CNTN1: variants seen among roughly 807,000 people sequenced by gnomAD.
CNTN1 encodes the protein contactin 1, also known as contactin-1.
CNTN1 carries 38 observed loss-of-function variants against 126.4 expected under a neutral mutation model. The observed-to-expected ratio is 0.30, with a 90% CI of 0.23 to 0.39. The LOEUF (loss-of-function observed/expected upper bound fraction) is 0.39. Ranked by LOEUF, CNTN1 falls within the 10% of genes least tolerant of loss-of-function variation. The pLI is 1.00. For synonymous variants in CNTN1, 413 were observed against 422.6 expected (o/e 0.98, Z 0.28); for missense variants, 1,009 against 1,248.4 (o/e 0.81, Z 2.89).
chr12:41,016,662 A>C lies in CNTN1; in HGVS notation c.2185-20A>C. ...TACCTGTATTACTAAAACCTACTCA[A>C]TCTTTTAATTTCTATTTAGCCTTTG... On this transcript the variant is annotated intron_variant, in intron 18 of 23. Coordinates refer to ENST00000551295, the MANE Select transcript of CNTN1 (RefSeq NM_001843.4). 2 of 1,522,824 alleles carry C rather than the reference A, an allele frequency of 1.3e-6. No homozygotes were observed. The highest frequency in any genetic ancestry group is 1.8e-6 in the Non-Finnish European group (2 of 1,096,960). 94.3% of individuals were successfully genotyped at this position (1,522,824 alleles called of 1,614,324 possible).
intron 15 of CNTN1, among the ~76,000 whole-genome samples, chr12:40,978,510 G>T (rs1464916574): frequency 6.6e-6 from 1 of 151,990 alleles, no homozygotes; most frequent in African/African-American, 2.4e-5. Context: ...TTACAGAACT[G>T]CCTGAACATT....
intron 17 of CNTN1, among the ~76,000 whole-genome samples, chr12:41,006,974 G>GGA (rs1948507935): frequency 6.6e-6 from 1 of 150,634 alleles, no homozygotes; most frequent in South Asian, 2.1e-4. Flanking sequence ...GGAGTTTGAA[G>GGA]GAGAGAGAAA....
Position 40,911,834 on chromosome 12 carries a change from C to T in CNTN1, c.94+1729C>T, listed in dbSNP as rs118092301. Among the ~76,000 whole-genome samples, 155 of 152,288 alleles carry T rather than the reference C, an allele frequency of 1.0e-3. 1 individual carries two copies. In the East Asian group the frequency reaches 0.017, roughly 17 times the overall value. ...TGGGTCACACATTCACCAACAAGCCCATCGCTAGCAAGAGTAATGGCATCA... is the reference window on the plus strand; with the variant it reads ...TGGGTCACACATTCACCAACAAGCCTATCGCTAGCAAGAGTAATGGCATCA... On this transcript the variant is annotated intron_variant, in intron 3 of 23. Transcript: ENST00000551295.
At position 40,745,670 on chromosome 12, in the gene CNTN1, C is replaced by T. The variant is rs1938151227; in HGVS notation, c.-77+53078C>T. 2.6e-5 allele frequency among the ~76,000 whole-genome samples: 4 copies of T among 152,108 alleles called. No homozygotes were observed. The South Asian group carries it at 8.3e-4, about 32-fold the overall frequency. On this transcript the variant is annotated intron_variant, in intron 1 of 23. Transcript: ENST00000551295. ...TGCCAGCCTCTTAGTCAATTCTCTC[C>T]TGGATCAGGGAAAAGGCCTGGAAAA... is the stretch of plus-strand genomic sequence containing the variant.
chr12:40,830,427 A>G (rs55721553), intron 1 of CNTN1, among the ~76,000 whole-genome samples: 8,761 of 151,588 alleles, frequency 0.058, 519 homozygotes, highest in Admixed American at 0.16. Flanking sequence ...TTACAAAAAT[A>G]TATATTAAAA....
chr12:40,764,316 T>G (rs980499047), intron 1 of CNTN1, among the ~76,000 whole-genome samples: 1 of 152,184 alleles, frequency 6.6e-6, no homozygotes, highest in Admixed American at 6.5e-5. Context: ...GGAAAGAGAT[T>G]AGCCTCAACT....
intron 1 of CNTN1, among the ~76,000 whole-genome samples, chr12:40,832,549 C>T (rs897980754): frequency 6.6e-6 from 1 of 152,138 alleles, no homozygotes; most frequent in Admixed American, 6.5e-5. Flanking sequence ...GTTAAGTACA[C>T]TTCGTGATGT....
intron 1 of CNTN1, among the ~76,000 whole-genome samples, chr12:40,881,153 ATTG>A (rs1747669740): frequency 1.3e-5 from 2 of 151,942 alleles, no homozygotes; most frequent in South Asian, 4.1e-4. Flanking sequence ...CCAGAGAATA[ATTG>A]TTGTACTGGA....
chr12:40,877,870 T>G (rs542655028), intron 1 of CNTN1, among the ~76,000 whole-genome samples: 2 of 152,244 alleles, frequency 1.3e-5, no homozygotes, highest in East Asian at 3.9e-4. Flanking sequence ...CAATTATTTT[T>G]CCACTTCTGC....
At chr12:40,844,761 CATAA>C (rs1347647021) in intron 1 of CNTN1, among the ~76,000 whole-genome samples, 1 of 152,136 alleles carries the variant, frequency 6.6e-6, no homozygotes, top group Non-Finnish European at 1.5e-5. Context: ...AGTTTAAAAG[CATAA>C]ATAGTTAAAA....
intron 1 of CNTN1, among the ~76,000 whole-genome samples, chr12:40,835,666 A>G (rs1245694674): frequency 1.3e-5 from 2 of 152,150 alleles, no homozygotes; most frequent in African/African-American, 4.8e-5. Flanking sequence ...GGGATCATTT[A>G]TCTCAAGGGT....
At chr12:41,035,485 A>G (rs1306326645) in intron 23 of CNTN1, among the ~76,000 whole-genome samples, 1 of 152,202 alleles carries the variant, frequency 6.6e-6, no homozygotes, top group Non-Finnish European at 1.5e-5. Flanking sequence ...GCTATTGGTT[A>G]CAATAATTGC....
At chr12:40,909,966 C>T (rs1004944731) in intron 2 of CNTN1, 107 bp from the exon 3 acceptor site, 5 of 806,028 alleles carry the variant, frequency 6.2e-6, no homozygotes, top group Non-Finnish European at 1.1e-5. Flanking sequence ...AGTAAAGGGC[C>T]ACTACTCTCA....
intron 1 of CNTN1, among the ~76,000 whole-genome samples, chr12:40,902,112 C>T (rs1207341375): frequency 6.6e-6 from 1 of 152,170 alleles, no homozygotes; most frequent in African/African-American, 2.4e-5. Flanking sequence ...AAATTCAAAA[C>T]TAGTTTTATT....
At chr12:41,035,078 T>A (rs765098156) in intron 23 of CNTN1, among the ~76,000 whole-genome samples, 55 of 152,218 alleles carry the variant, frequency 3.6e-4, no homozygotes, top group Non-Finnish European at 7.1e-4. Flanking sequence ...CACCTCTGTA[T>A]CTAAACTAAC....
chr12:40,821,119 C>T (rs990818888), intron 1 of CNTN1, among the ~76,000 whole-genome samples: 2 of 152,142 alleles, frequency 1.3e-5, no homozygotes. Flanking sequence ...TAATTTGAGA[C>T]ATAATGAGAC....
At chr12:40,813,177 G>C (rs1260676522) in intron 1 of CNTN1, among the ~76,000 whole-genome samples, 4 of 108,792 alleles carry the variant, frequency 3.7e-5, no homozygotes, top group African/African-American at 1.4e-4. Context: ...TTCATTTTTT[G>C]CTGTCTCCAT....
intron 15 of CNTN1, among the ~76,000 whole-genome samples, chr12:40,961,434 TTAA>T (rs1318281461): frequency 6.6e-6 from 1 of 152,040 alleles, no homozygotes; most frequent in Non-Finnish European, 1.5e-5. Flanking sequence ...TTTTTATTTT[TTAA>T]TAATAATGGT....
At chr12:40,845,598 A>G (rs1249976974) in intron 1 of CNTN1, among the ~76,000 whole-genome samples, 1 of 151,940 alleles carries the variant, frequency 6.6e-6, no homozygotes, top group Non-Finnish European at 1.5e-5. Flanking sequence ...AGATGGGGCT[A>G]GTCACCAGAA....
Sources: allele counts gnomAD v4.1 joint callset (sites outside exome capture counted in the v4.1 genomes callset), GRCh38; gene constraint gnomAD v4.1.1; transcripts MANE v1.5; gene names NCBI Gene and HGNC (gene_info 2026-07-23, HGNC 2026-07-21).